MAST2: variants seen among roughly 807,000 people sequenced by gnomAD.
The protein encoded by MAST2 is microtubule-associated serine/threonine-protein kinase 2.
Under a neutral mutation model 147.4 loss-of-function variants are expected in MAST2, and 70 were observed. The ratio of observed to expected loss-of-function variants is 0.47; its 90% confidence interval spans 0.39 to 0.58. The LOEUF is 0.58. MAST2 is among the 20% of genes least tolerant of loss of function. MAST2 has a pLI of 0.00. For synonymous variants in MAST2, 869 were observed against 896.8 expected (o/e 0.97, Z 0.55); for missense variants, 2,080 against 2,302.3 (o/e 0.90, Z 1.98).
chr1:45,955,131 T>A (rs1659466438), intron 4 of MAST2, among the ~76,000 whole-genome samples: 1 of 152,164 alleles, frequency 6.6e-6, no homozygotes, highest in Non-Finnish European at 1.5e-5. Context: ...GCCCCTGCCC[T>A]CATACAGTTT....
intron 4 of MAST2, among the ~76,000 whole-genome samples, chr1:45,895,916 T>C (rs1648657261): frequency 6.6e-6 from 1 of 152,238 alleles, no homozygotes; most frequent in Non-Finnish European, 1.5e-5. Context: ...ATTAAAATAT[T>C]TACACTTTTC....
chr1:45,894,102 G>C (rs769661795), intron 4 of MAST2, among the ~76,000 whole-genome samples: 13 of 152,060 alleles, frequency 8.5e-5, no homozygotes, highest in Non-Finnish European at 1.5e-4. Flanking sequence ...TGTGGTCCCA[G>C]CTACTTGGGA....
chr1:45,981,678 A>C (rs1169385810), intron 5 of MAST2, among the ~76,000 whole-genome samples: 3 of 152,166 alleles, frequency 2.0e-5, no homozygotes, highest in South Asian at 2.1e-4. Flanking sequence ...AGAAATGTAC[A>C]AGGGCAGCTT....
chr1:45,865,858 C>T (rs1557846268), intron 3 of MAST2, among the ~76,000 whole-genome samples: 1 of 152,100 alleles, frequency 6.6e-6, no homozygotes, highest in Non-Finnish European at 1.5e-5. Context: ...TAGCAAAGAG[C>T]AAGCCAGCTT....
chr1:45,858,572 A>C (rs1160117121), intron 3 of MAST2, among the ~76,000 whole-genome samples: 1 of 147,116 alleles, frequency 6.8e-6, no homozygotes, highest in South Asian at 2.3e-4. Flanking sequence ...TTGCCTGTTC[A>C]CTCTGATGGT....
At chr1:45,929,355 G>A (rs1156506134) in intron 4 of MAST2, among the ~76,000 whole-genome samples, 1 of 152,116 alleles carries the variant, frequency 6.6e-6, no homozygotes, top group Admixed American at 6.5e-5. Context: ...TTACTGCTTC[G>A]TTGTGAAGAT....
chr1:45,826,503 C>T (rs1644797095), intron 2 of MAST2, among the ~76,000 whole-genome samples: 2 of 152,176 alleles, frequency 1.3e-5, no homozygotes, highest in East Asian at 1.9e-4. Flanking sequence ...CAGGTGTGCA[C>T]CACCACACCC....
At chr1:45,826,876 T>G (rs1050109504) in intron 2 of MAST2, among the ~76,000 whole-genome samples, 3 of 152,194 alleles carry the variant, frequency 2.0e-5, no homozygotes, top group African/African-American at 7.2e-5. Flanking sequence ...GTCACCAGGC[T>G]GGAATGCAGT....
intron 3 of MAST2, among the ~76,000 whole-genome samples, chr1:45,850,687 C>G (rs759067749): frequency 7.9e-5 from 12 of 152,100 alleles, no homozygotes; most frequent in Non-Finnish European, 1.3e-4. Context: ...CCAGCTATCC[C>G]AGCACTATTT....
chr1:45,877,973 G>T (rs904147054), intron 3 of MAST2, among the ~76,000 whole-genome samples: 1 of 152,140 alleles, frequency 6.6e-6, no homozygotes, highest in Admixed American at 6.6e-5. Flanking sequence ...AGAGACCAAG[G>T]CGGGTGGATC....
intron 7 of MAST2, among the ~76,000 whole-genome samples, chr1:46,003,489 T>G (rs1645356761): frequency 6.6e-6 from 1 of 151,962 alleles, no homozygotes; most frequent in South Asian, 2.1e-4. Flanking sequence ...TTTTTTTTTT[T>G]GAAAGAGTGT....
chr1:45,903,497 T>C (rs538686715), intron 4 of MAST2, among the ~76,000 whole-genome samples: 5 of 152,322 alleles, frequency 3.3e-5, no homozygotes, highest in South Asian at 2.1e-4. Context: ...GTTGTGTCTC[T>C]ATTTTCATTT....
rs144164642 is a variant in MAST2 at position 45,819,099 on chromosome 1, C to G, written c.178-5334C>G. 5.9e-4 allele frequency among the ~76,000 whole-genome samples: 89 copies of G among 151,768 alleles called. 1 individual carries two copies. In the East Asian group the frequency reaches 0.016, roughly 28 times the overall value. ...TGAAACCTTGTCTCTACTAAAAATACAAACTTAGCCAGGCATGGTGGCACA... is the reference window on the plus strand; with the variant it reads ...TGAAACCTTGTCTCTACTAAAAATAGAAACTTAGCCAGGCATGGTGGCACA... On this transcript the variant is annotated intron_variant, in intron 1 of 28. Coordinates refer to ENST00000361297, the MANE Select transcript of MAST2 (RefSeq NM_015112.3).
At chr1:45,938,716 C>T (rs1656666920) in intron 4 of MAST2, among the ~76,000 whole-genome samples, 2 of 152,188 alleles carry the variant, frequency 1.3e-5, no homozygotes, top group African/African-American at 2.4e-5. Context: ...AACATTCTCA[C>T]CAGCACTAAT....
At chr1:45,976,673 T>C (rs1644173274) in intron 5 of MAST2, among the ~76,000 whole-genome samples, 1 of 152,198 alleles carries the variant, frequency 6.6e-6, no homozygotes, top group Non-Finnish European at 1.5e-5. Flanking sequence ...ATAAAAGTTA[T>C]TAACAGAGGG....
intron 21 of MAST2, 151 bp downstream of exon 21, chr1:46,030,389 T>A: frequency 5.9e-6 from 5 of 840,774 alleles, no homozygotes; most frequent in Non-Finnish European, 1.8e-6. Flanking sequence ...TACATATAGC[T>A]ATATATAGGT....
At chr1:45,825,150 C>G (rs1386337324) in intron 2 of MAST2, among the ~76,000 whole-genome samples, 1 of 151,870 alleles carries the variant, frequency 6.6e-6, no homozygotes, top group Non-Finnish European at 1.5e-5. Flanking sequence ...CTCAGCCTCC[C>G]GAGTAGCTGG....
At chr1:46,015,937 G>C (rs1645919441) in intron 10 of MAST2, among the ~76,000 whole-genome samples, 1 of 152,126 alleles carries the variant, frequency 6.6e-6, no homozygotes, top group Non-Finnish European at 1.5e-5. Context: ...TAAAATACTG[G>C]CAAACCGAAT....
At chr1:45,982,242 G>C (rs534920288) in intron 5 of MAST2, among the ~76,000 whole-genome samples, 2 of 152,318 alleles carry the variant, frequency 1.3e-5, no homozygotes, top group East Asian at 3.9e-4. Flanking sequence ...ATCTGTGGTA[G>C]AATAAAGAAT....
Sources: gnomAD v4.1 joint callset for allele counts (sites outside exome capture counted in the v4.1 genomes callset) on GRCh38, gnomAD v4.1.1 for gene constraint, MANE v1.5 for transcripts, NCBI Gene and HGNC (gene_info 2026-07-23, HGNC 2026-07-21) for gene names.